The following LRRC4C variants were observed in gnomAD, a reference collection of about 807,000 sequenced individuals.
LRRC4C encodes leucine rich repeat containing 4C.
Under a neutral mutation model 33.6 loss-of-function variants are expected in LRRC4C, and 5 were observed. The observed-to-expected ratio is 0.15, with a 90% confidence interval of 0.08 to 0.31. The LOEUF (loss-of-function observed/expected upper bound fraction) is 0.31. Among genes scored for constraint, LRRC4C ranks in the 10% least tolerant of loss-of-function variants. LRRC4C has a pLI of 1.00. For missense variants in LRRC4C, 560 were observed against 796.7 expected (o/e 0.70, Z 3.58); for synonymous variants, 329 against 302.0 (o/e 1.09, Z -0.93).
At chr11:41,414,991 C>CATGAAGTAATT (rs1439992137) in intron 1 of LRRC4C, among the ~76,000 whole-genome samples, 1 of 152,084 alleles carries the variant, frequency 6.6e-6, no homozygotes, top group Admixed American at 6.6e-5. Flanking sequence ...ACTTTACAAA[C>CATGAAGTAATT]ATGAAGTAAT....
intron 4 of LRRC4C, among the ~76,000 whole-genome samples, chr11:40,266,943 A>T (rs1377742194): frequency 2.4e-5 from 1 of 41,216 alleles, no homozygotes; most frequent in Admixed American, 2.1e-4. Flanking sequence ...CACCACACCC[A>T]CCCACCCACC....
intron 2 of LRRC4C, among the ~76,000 whole-genome samples, chr11:40,832,910 G>C (rs1952484513): frequency 6.6e-6 from 1 of 152,098 alleles, no homozygotes; most frequent in South Asian, 2.1e-4. Context: ...TATCAAGGCA[G>C]TGTGTTTTGG....
chr11:40,909,045 C>G (rs113464845), intron 2 of LRRC4C, among the ~76,000 whole-genome samples: 2 of 152,014 alleles, frequency 1.3e-5, no homozygotes, highest in South Asian at 2.1e-4. Context: ...ACATAAGGAA[C>G]AACTAACACT....
chr11:40,931,694 A>G (rs1220948744), intron 2 of LRRC4C, among the ~76,000 whole-genome samples: 1 of 152,040 alleles, frequency 6.6e-6, no homozygotes, highest in Non-Finnish European at 1.5e-5. Context: ...ACATATGCGT[A>G]GATACTTATA....
At chr11:40,502,602 A>C (rs1954832351) in intron 3 of LRRC4C, among the ~76,000 whole-genome samples, 1 of 152,020 alleles carries the variant, frequency 6.6e-6, no homozygotes. Context: ...GGGGGAAATG[A>C]CCCCTACGAT....
intron 1 of LRRC4C, among the ~76,000 whole-genome samples, chr11:41,272,636 A>G (rs972602978): frequency 1.3e-5 from 2 of 152,188 alleles, no homozygotes; most frequent in Non-Finnish European, 2.9e-5. Context: ...TATTAAAAAA[A>G]CTGCTTAATA....
intron 3 of LRRC4C, among the ~76,000 whole-genome samples, chr11:40,361,923 C>A (rs1030614594): frequency 5.3e-5 from 8 of 152,144 alleles, no homozygotes; most frequent in Middle Eastern, 6.8e-3. Flanking sequence ...GCACATAGAC[C>A]AATGGAACAG....
intron 1 of LRRC4C, among the ~76,000 whole-genome samples, chr11:41,283,080 G>T (rs956654645): frequency 5.9e-5 from 9 of 152,108 alleles, no homozygotes; most frequent in African/African-American, 2.2e-4. Flanking sequence ...AGCACTTTGG[G>T]AGGACAATTA....
intron 4 of LRRC4C, among the ~76,000 whole-genome samples, chr11:40,263,524 C>T (rs1445027323): frequency 1.3e-5 from 2 of 149,828 alleles, no homozygotes; most frequent in African/African-American, 5.1e-5. Flanking sequence ...CTATCCCTTA[C>T]AGTTTTGGGG....
At chr11:40,134,701 T>C (rs2134867248) in intron 6 of LRRC4C, among the ~76,000 whole-genome samples, 1 of 152,334 alleles carries the variant, frequency 6.6e-6, no homozygotes, top group East Asian at 1.9e-4. Context: ...TTATGATTTA[T>C]CTATCTCTGC....
chr11:40,436,355 A>T (rs2137906997), intron 3 of LRRC4C, among the ~76,000 whole-genome samples: 1 of 152,332 alleles, frequency 6.6e-6, no homozygotes, highest in Admixed American at 6.5e-5. Flanking sequence ...GATTATGGAA[A>T]ATAGAGACTC....
intron 3 of LRRC4C, among the ~76,000 whole-genome samples, chr11:40,512,424 A>G (rs1565461419): frequency 6.6e-6 from 1 of 152,180 alleles, no homozygotes; most frequent in South Asian, 2.1e-4. Flanking sequence ...AAAACAAAAC[A>G]AAATAAAAAC....
intron 4 of LRRC4C, among the ~76,000 whole-genome samples, chr11:40,284,694 T>C (rs1565229143): frequency 6.6e-6 from 1 of 152,148 alleles, no homozygotes; most frequent in Non-Finnish European, 1.5e-5. Flanking sequence ...TAGATTGGAT[T>C]TGATGACTGG....
chr11:40,480,179 T>C (rs1953473276), intron 3 of LRRC4C, among the ~76,000 whole-genome samples: 1 of 152,028 alleles, frequency 6.6e-6, no homozygotes, highest in South Asian at 2.1e-4. Context: ...TGGCCTAATA[T>C]AGAGGAAAAA....
intron 2 of LRRC4C, among the ~76,000 whole-genome samples, chr11:40,650,972 C>T (rs1942761540): frequency 6.6e-6 from 1 of 152,072 alleles, no homozygotes; most frequent in South Asian, 2.1e-4. Flanking sequence ...CCCTTGTAGC[C>T]AACAAATACT....
At chr11:40,521,397 T>C (rs1001188674) in intron 3 of LRRC4C, among the ~76,000 whole-genome samples, 1 of 152,244 alleles carries the variant, frequency 6.6e-6, no homozygotes, top group African/African-American at 2.4e-5. Context: ...TCAGCTTTTT[T>C]TGAATATTAT....
intron 1 of LRRC4C, among the ~76,000 whole-genome samples, chr11:41,221,594 T>TGCAG (rs1565491736): frequency 6.6e-6 from 1 of 152,164 alleles, no homozygotes; most frequent in African/African-American, 2.4e-5. Flanking sequence ...TAAAGACATA[T>TGCAG]GCAGGAATAA....
chr11:40,213,833 A>G (rs1863780401), intron 5 of LRRC4C, among the ~76,000 whole-genome samples: 1 of 152,138 alleles, frequency 6.6e-6, no homozygotes, highest in Non-Finnish European at 1.5e-5. Context: ...TAAGCATCTA[A>G]TATGTGCCAA....
intron 1 of LRRC4C, among the ~76,000 whole-genome samples, chr11:41,062,323 A>T (rs894247225): frequency 9.9e-5 from 15 of 152,148 alleles, no homozygotes; most frequent in African/African-American, 3.6e-4. Context: ...TATAAATGGG[A>T]GCTAAATGAT....
Sources: gnomAD v4.1 joint callset for allele counts (sites outside exome capture counted in the v4.1 genomes callset) on GRCh38, gnomAD v4.1.1 for gene constraint, MANE v1.5 for transcripts, NCBI Gene and HGNC (gene_info 2026-07-23, HGNC 2026-07-21) for gene names.